AK6: variants seen among roughly 807,000 people sequenced by gnomAD.
AK6 encodes the protein adenylate kinase 6.
In AK6, 24 loss-of-function variants were observed where a neutral mutation model predicts 23.7. The observed-to-expected ratio is 1.01, with a 90% CI of 0.73 to 1.43. AK6 has a LOEUF of 1.43. Among genes scored for constraint, AK6 ranks in the 40% most tolerant of loss-of-function variants. The pLI, the probability that AK6 is intolerant of heterozygous loss-of-function variation, is 0.00. For missense variants in AK6, 191 were observed against 199.1 expected, an observed-to-expected ratio of 0.96 and a Z score of 0.24; for synonymous variants, 73 against 69.8, an observed-to-expected ratio of 1.05 and a Z score of -0.23.
chr5:69,369,372 G>A (rs554116654), intron 1 of AK6, 91 bp downstream of exon 1: 10 of 1,470,154 alleles, frequency 6.8e-6, no homozygotes, highest in African/African-American at 1.5e-5. Flanking sequence ...GAAGAGGGCA[G>A]TGAGGGGCCC....
chr5:69,360,909 A>G (rs114517477), intron 2 of AK6, among the ~76,000 whole-genome samples: 1,575 of 152,322 alleles, frequency 0.01, 36 homozygotes, highest in African/African-American at 0.037. Context: ...CTAAGTGTTC[A>G]AGCCAAGCTA....
intron 2 of AK6, chr5:69,365,497 G>A (rs758231853): frequency 1.9e-6 from 3 of 1,614,050 alleles, no homozygotes; most frequent in Non-Finnish European, 1.7e-6. Flanking sequence ...GTAAAAGACT[G>A]ATCAGCGCGG....
intron 2 of AK6, among the ~76,000 whole-genome samples, chr5:69,357,610 T>C (rs1394350106): frequency 6.6e-6 from 1 of 151,898 alleles, no homozygotes; most frequent in Non-Finnish European, 1.5e-5. Flanking sequence ...AATTGCTCAA[T>C]AAACAAGAAA....
intron 4 of AK6, 84 bp from the exon 5 acceptor site, chr5:69,352,337 C>A: frequency 9.6e-7 from 1 of 1,045,678 alleles, no homozygotes; most frequent in Non-Finnish European, 1.4e-6. Context: ...AAACTGGACA[C>A]TTTTCAATAC....
intron 1 of AK6, chr5:69,369,259 A>T (rs1405921203): frequency 3.8e-5 from 2 of 53,310 alleles, no homozygotes; most frequent in South Asian, 1.1e-3. Flanking sequence ...GCCTCAGGCC[A>T]ACGGAATTAA....
intron 4 of AK6, among the ~76,000 whole-genome samples, chr5:69,353,467 T>G (rs1199668456): frequency 1.3e-5 from 2 of 151,950 alleles, no homozygotes; most frequent in Non-Finnish European, 2.9e-5. Context: ...CCAGCTAATC[T>G]TTGTATTCCT....
At chr5:69,357,418 T>C (rs1173702518) in intron 2 of AK6, among the ~76,000 whole-genome samples, 1 of 152,196 alleles carries the variant, frequency 6.6e-6, no homozygotes, top group Non-Finnish European at 1.5e-5. Context: ...GATGGAGCTA[T>C]AAAGGAATGA....
chr5:69,369,363 A>G (rs1762739272), intron 1 of AK6, 100 bp downstream of exon 1: 1 of 1,368,012 alleles, frequency 7.3e-7, no homozygotes, highest in East Asian at 2.7e-5. Context: ...CCGGCCTCTG[A>G]AGAGGGCAGT....
chr5:69,356,394 G>A (rs757612480), intron 2 of AK6, among the ~76,000 whole-genome samples: 4 of 65,630 alleles, frequency 6.1e-5, no homozygotes, highest in South Asian at 5.4e-4. Flanking sequence ...GTGGCTTTGC[G>A]CTTGTAATCC....
chr5:69,360,042 G>A (rs926632125), intron 2 of AK6, among the ~76,000 whole-genome samples: 1 of 152,194 alleles, frequency 6.6e-6, no homozygotes, highest in African/African-American at 2.4e-5. Context: ...AGGGTATGAT[G>A]GCTGCACTGA....
At chr5:69,356,214 A>G (rs1762080594) in intron 2 of AK6, among the ~76,000 whole-genome samples, 1 of 152,218 alleles carries the variant, frequency 6.6e-6, no homozygotes, top group South Asian at 2.1e-4. Flanking sequence ...AAACCAACTA[A>G]AAAGAGTGAA....
At chr5:69,356,469 GAGA>G (rs1762087492) in intron 2 of AK6, among the ~76,000 whole-genome samples, 1 of 150,712 alleles carries the variant, frequency 6.6e-6, no homozygotes, top group Non-Finnish European at 1.5e-5. Context: ...GCAATATGTT[GAGA>G]ACCTGTTTCT....
upstream of AK6, chr5:69,369,735 C>T (rs1392455741): frequency 1.3e-6 from 2 of 1,539,824 alleles, no homozygotes; most frequent in South Asian, 1.2e-5. Context: ...TCAGGCAGTG[C>T]GCTGGATGCC....
At chr5:69,362,310 A>G (rs977420399) in intron 2 of AK6, among the ~76,000 whole-genome samples, 1 of 152,070 alleles carries the variant, frequency 6.6e-6, no homozygotes, top group Non-Finnish European at 1.5e-5. Flanking sequence ...GTCTTCACAC[A>G]TTGCTATACC....
intron 1 of AK6, chr5:69,369,193 A>C: frequency 6.1e-6 from 3 of 490,456 alleles, no homozygotes; most frequent in Non-Finnish European, 3.5e-6. Context: ...GCAGGTTGCC[A>C]AGCTGGAGAG....
intron 2 of AK6, chr5:69,365,645 A>C (rs573934024): frequency 6.2e-7 from 1 of 1,613,812 alleles, no homozygotes; most frequent in East Asian, 2.2e-5. Flanking sequence ...CTCTTGGCTC[A>C]TATTCTGTAA....
chr5:69,352,791 A>G (rs897890175), intron 4 of AK6, among the ~76,000 whole-genome samples: 35 of 152,284 alleles, frequency 2.3e-4, no homozygotes, highest in African/African-American at 8.4e-4. Flanking sequence ...ACCCTCATAC[A>G]CAGTGTGAAT....
intron 1 of AK6, chr5:69,369,118 G>A (rs1762695670): frequency 2.4e-6 from 1 of 417,268 alleles, no homozygotes; most frequent in Non-Finnish European, 4.2e-6. Flanking sequence ...AAAATCCCAA[G>A]GCCAACCCTG....
chr5:69,369,167 G>C (rs774441494), intron 1 of AK6: 5 of 485,772 alleles, frequency 1.0e-5, no homozygotes, highest in Non-Finnish European at 1.4e-5. Context: ...CGAAATACCA[G>C]ATTCAGAAAG....
Sources: allele counts gnomAD v4.1 joint callset (sites outside exome capture counted in the v4.1 genomes callset), GRCh38; gene constraint gnomAD v4.1.1; transcripts MANE v1.5; gene names NCBI Gene and HGNC (gene_info 2026-07-23, HGNC 2026-07-21).